The following KDM4C variants were observed in gnomAD, a reference collection of about 807,000 sequenced individuals.
The protein encoded by KDM4C is lysine demethylase 4C.
KDM4C carries 81 observed loss-of-function variants against 129.3 expected under a neutral mutation model. The observed-to-expected ratio is 0.63, with a 90% CI of 0.52 to 0.75. The LOEUF is 0.75. Ranked by LOEUF, KDM4C falls within the 30% of genes least tolerant of loss-of-function variation. The pLI is 0.00. For missense variants in KDM4C, 1,457 were observed against 1,304.0 expected, an observed-to-expected ratio of 1.12 and a Z score of -1.81; for synonymous variants, 573 against 456.1, an observed-to-expected ratio of 1.26 and a Z score of -3.26.
chr9:7,054,019 GA>G (rs1337480270), intron 17 of KDM4C, among the ~76,000 whole-genome samples: 1 of 152,202 alleles, frequency 6.6e-6, no homozygotes, highest in Non-Finnish European at 1.5e-5. Flanking sequence ...CTGTCCATTA[GA>G]ATAAATTGCT....
intron 8 of KDM4C, among the ~76,000 whole-genome samples, chr9:6,930,539 T>TTTA (rs889386022): frequency 1.0e-5 from 1 of 98,024 alleles, no homozygotes; most frequent in African/African-American, 3.5e-5. Flanking sequence ...AATATATGTG[T>TTTA]TATATATAAC....
chr9:6,749,089 G>A (rs983667864), intron 1 of KDM4C: 13 of 459,972 alleles, frequency 2.8e-5, no homozygotes, highest in East Asian at 5.1e-5. Context: ...GCGCGATCTC[G>A]CCTTCCTGCA....
chr9:7,069,439 G>A (rs1253468180), intron 17 of KDM4C, among the ~76,000 whole-genome samples: 3 of 152,062 alleles, frequency 2.0e-5, no homozygotes, highest in Non-Finnish European at 4.4e-5. Flanking sequence ...TTGAGCCTAG[G>A]AGCTCTAGGT....
At chr9:7,069,414 G>A (rs774308903) in intron 17 of KDM4C, among the ~76,000 whole-genome samples, 6 of 152,148 alleles carry the variant, frequency 3.9e-5, no homozygotes, top group African/African-American at 7.2e-5. Context: ...TAGGCCAGGT[G>A]TGTGGGAGGA....
intron 19 of KDM4C, among the ~76,000 whole-genome samples, chr9:7,152,131 C>G (rs1433414046): frequency 6.6e-6 from 1 of 152,194 alleles, no homozygotes; most frequent in Non-Finnish European, 1.5e-5. Context: ...TTTTTCAAAG[C>G]TGATGAAACT....
At chr9:6,832,658 C>G (rs1231379346) in intron 4 of KDM4C, among the ~76,000 whole-genome samples, 1 of 151,066 alleles carries the variant, frequency 6.6e-6, no homozygotes, top group Non-Finnish European at 1.5e-5. Flanking sequence ...ATCTCCTGAC[C>G]ACGTAATCCA....
intron 4 of KDM4C, among the ~76,000 whole-genome samples, chr9:6,820,380 G>A (rs944135130): frequency 2.0e-5 from 3 of 152,188 alleles, no homozygotes; most frequent in Non-Finnish European, 2.9e-5. Context: ...TGCTGAGCAG[G>A]AGCATAGGAG....
intron 21 of KDM4C, among the ~76,000 whole-genome samples, chr9:7,171,139 T>C (rs1167344169): frequency 6.6e-6 from 1 of 152,092 alleles, no homozygotes; most frequent in African/African-American, 2.4e-5. Context: ...GACTTTCCTC[T>C]CAGCTGCATC....
intron 9 of KDM4C, among the ~76,000 whole-genome samples, chr9:6,981,567 G>A (rs1159584777): frequency 6.6e-6 from 1 of 152,100 alleles, no homozygotes; most frequent in East Asian, 1.9e-4. Context: ...TACATTTTAT[G>A]CACATGGTTT....
At chr9:6,790,655 A>C (rs1395501552) in intron 1 of KDM4C, among the ~76,000 whole-genome samples, 1 of 16,020 alleles carries the variant, frequency 6.2e-5, no homozygotes, top group Non-Finnish European at 1.3e-4. Context: ...TAAATTCAGC[A>C]AAAAAAAAAA....
At chr9:6,754,358 ACC>A, upstream of KDM4C, among the ~76,000 whole-genome samples, 1 of 151,580 alleles carries the variant, frequency 6.6e-6, no homozygotes, top group East Asian at 1.9e-4. Context: ...GATTACAGGC[ACC>A]TGCCACCATG....
intron 5 of KDM4C, among the ~76,000 whole-genome samples, chr9:6,877,477 G>A (rs1351867168): frequency 6.6e-6 from 1 of 152,232 alleles, no homozygotes; most frequent in African/African-American, 2.4e-5. Context: ...TGGGATTACA[G>A]GCGTGAGCCA....
intron 5 of KDM4C, among the ~76,000 whole-genome samples, chr9:6,876,255 C>G (rs1247357298): frequency 2.0e-5 from 3 of 152,172 alleles, no homozygotes; most frequent in East Asian, 1.9e-4. Flanking sequence ...TGATCTTAGC[C>G]AAAAGGCCGA....
At chr9:6,957,480 T>A (rs1465502683) in intron 8 of KDM4C, among the ~76,000 whole-genome samples, 4 of 152,176 alleles carry the variant, frequency 2.6e-5, no homozygotes, top group African/African-American at 9.7e-5. Flanking sequence ...TTAGAGCTTG[T>A]TAATACCACC....
chr9:7,174,954 G>A lies in KDM4C; in HGVS notation c.*225G>A. On this transcript the variant is annotated 3_prime_UTR_variant, in exon 22 of 22. Coordinates refer to ENST00000381309, the MANE Select transcript of KDM4C (RefSeq NM_015061.6). ...TCTCTAGTCTTGCTTTCACTTGTGA[G>A]CAGTTGTCTTCTATGATCCCAAAGA... 4.6e-6 allele frequency: 2 copies of A among 437,588 alleles called. No individual in the cohort carries two copies. Among genetic ancestry groups the A allele is most frequent in the Non-Finnish European group, 8.3e-6 (2 of 240,890 alleles). 27.1% of individuals were successfully genotyped at this position (437,588 alleles called of 1,614,324 possible). A position where few individuals can be genotyped will look rare whatever the true frequency, so the allele number is the denominator to read the frequency against.
intron 19 of KDM4C, among the ~76,000 whole-genome samples, chr9:7,135,526 A>T (rs1051777417): frequency 6.6e-6 from 1 of 152,146 alleles, no homozygotes; most frequent in Non-Finnish European, 1.5e-5. Flanking sequence ...GAGCCTGCTT[A>T]AACCCATGGG....
chr9:6,886,772 G>A (rs1238588034), intron 6 of KDM4C, among the ~76,000 whole-genome samples: 2 of 152,080 alleles, frequency 1.3e-5, no homozygotes, highest in African/African-American at 4.8e-5. Flanking sequence ...GATTACAGGC[G>A]TGAACCACCG....
chr9:7,139,361 AT>A (rs564307817), intron 19 of KDM4C, among the ~76,000 whole-genome samples: 3 of 152,218 alleles, frequency 2.0e-5, no homozygotes, highest in Non-Finnish European at 4.4e-5. Context: ...AACAGATAAT[AT>A]TGAATCATCT....
intron 1 of KDM4C, among the ~76,000 whole-genome samples, chr9:6,737,789 A>G (rs1817572862): frequency 6.6e-6 from 1 of 152,124 alleles, no homozygotes; most frequent in Non-Finnish European, 1.5e-5. Flanking sequence ...TGCAAACCAC[A>G]ATGAGATACA....
Sources: gnomAD v4.1 joint callset for allele counts (sites outside exome capture counted in the v4.1 genomes callset) on GRCh38, gnomAD v4.1.1 for gene constraint, MANE v1.5 for transcripts, NCBI Gene and HGNC (gene_info 2026-07-23, HGNC 2026-07-21) for gene names.